The following CSMD2 variants were observed in gnomAD, a reference collection of about 807,000 sequenced individuals.
CSMD2 encodes the protein CUB and sushi domain-containing protein 2.
A neutral mutation model predicts 398.5 loss-of-function variants in CSMD2; 130 were observed. The ratio of observed to expected loss-of-function variants is 0.33; its 90% confidence interval spans 0.28 to 0.38. The LOEUF is 0.38. Ranked by LOEUF, CSMD2 falls within the 10% of genes least tolerant of loss-of-function variation. The pLI is 1.00. For synonymous variants in CSMD2, 1,828 were observed against 1,908.5 expected (o/e 0.96, Z 1.10); for missense variants, 3,829 against 4,764.9 (o/e 0.80, Z 5.78).
chr1:33,615,294 G>C (rs534071281), intron 39 of CSMD2, among the ~76,000 whole-genome samples: 1 of 152,254 alleles, frequency 6.6e-6, no homozygotes. Flanking sequence ...CCTGCAGTCT[G>C]GTCAGTTGAC....
intron 6 of CSMD2, among the ~76,000 whole-genome samples, chr1:33,826,097 C>A (rs1271813148): frequency 6.6e-6 from 1 of 152,218 alleles, no homozygotes; most frequent in African/African-American, 2.4e-5. Flanking sequence ...ATTCAACCTG[C>A]TCCTCAGCAA....
intron 13 of CSMD2, among the ~76,000 whole-genome samples, chr1:33,749,979 G>A (rs1457628055): frequency 6.6e-6 from 1 of 152,048 alleles, no homozygotes; most frequent in African/African-American, 2.4e-5. Context: ...CCAACACAAT[G>A]ACACACCTAC....
chr1:33,810,571 T>A (rs573466256), intron 10 of CSMD2, among the ~76,000 whole-genome samples, 172 bp downstream of exon 10: 1 of 151,574 alleles, frequency 6.6e-6, no homozygotes, highest in East Asian at 1.9e-4. Context: ...ATATTTTGCT[T>A]ATATTTTATA....
chr1:33,697,768 A>G (rs1012073490), intron 24 of CSMD2, among the ~76,000 whole-genome samples: 1 of 152,246 alleles, frequency 6.6e-6, no homozygotes, highest in African/African-American at 2.4e-5. Flanking sequence ...TTATCTGTTT[A>G]TGTGTCTATT....
intron 1 of CSMD2, among the ~76,000 whole-genome samples, chr1:34,093,372 C>T (rs1401741749): frequency 6.6e-6 from 1 of 152,238 alleles, no homozygotes; most frequent in Non-Finnish European, 1.5e-5. Context: ...CAAAGGAACG[C>T]AGCTCCTCAC....
At chr1:33,708,617 T>TATTATTA (rs1553180016) in intron 22 of CSMD2, among the ~76,000 whole-genome samples, 5 of 150,278 alleles carry the variant, frequency 3.3e-5, no homozygotes, top group East Asian at 1.9e-4. Context: ...TTATTATTAT[T>TATTATTA]TTGAGACAGG....
chr1:34,108,856 T>C (rs1660775425), intron 1 of CSMD2, among the ~76,000 whole-genome samples: 2 of 152,010 alleles, frequency 1.3e-5, no homozygotes, highest in Admixed American at 1.3e-4. Flanking sequence ...CCTTGCAAGG[T>C]GTACTCCCGA....
chr1:33,714,466 G>T, intron 21 of CSMD2, 121 bp downstream of exon 21: 2 of 1,160,574 alleles, frequency 1.7e-6, no homozygotes. Context: ...CTGCAGGTAA[G>T]TGTGGTAAGT....
chr1:34,106,601 C>G (rs928032822), intron 1 of CSMD2, among the ~76,000 whole-genome samples: 1 of 152,040 alleles, frequency 6.6e-6, no homozygotes. Context: ...AGCTATAGTT[C>G]TGGTTCCACT....
intron 46 of CSMD2, among the ~76,000 whole-genome samples, chr1:33,584,805 G>A (rs1409745712): frequency 6.6e-6 from 1 of 151,414 alleles, no homozygotes; most frequent in African/African-American, 2.4e-5. Flanking sequence ...TCAGAACTTG[G>A]CTGTGGCTTA....
In CSMD2 at chr1:33,715,954, C is replaced by T. The variant is rs186211543; in HGVS notation, c.3217+332G>A. Among the ~76,000 whole-genome samples, 22 of 150,926 alleles carry T rather than the reference C, an allele frequency of 1.5e-4. No individual in the cohort carries two copies. In the East Asian group the frequency reaches 4.3e-3, roughly 29 times the overall value. On this transcript the variant is annotated intron_variant, in intron 20 of 70. Transcript: ENST00000373381. ...GGGGTTGGCAATGTGGAAGTGGAAT[C>T]AGAAGAAAAATCTCGAATAACTAAG...
chr1:33,793,598 G>A (rs1276134353), intron 10 of CSMD2, among the ~76,000 whole-genome samples: 1 of 152,194 alleles, frequency 6.6e-6, no homozygotes, highest in Non-Finnish European at 1.5e-5. Flanking sequence ...ATTTATGCCA[G>A]GGGAGGAGCA....
At chr1:33,585,404 TG>T (rs1444699524) in intron 46 of CSMD2, among the ~76,000 whole-genome samples, 1 of 152,206 alleles carries the variant, frequency 6.6e-6, no homozygotes, top group Non-Finnish European at 1.5e-5. Flanking sequence ...GCACGGGGGC[TG>T]GGCTCCTAGA....
At position 33,918,170 on chromosome 1, in the gene CSMD2, G is replaced by C. The variant is rs1263875296; in HGVS notation, c.844C>G (p.Leu282Val). Reference protein sequence around the residue: ...ILAELGDTIALVFIDFQLEDG... With the variant: ...ILAELGDTIAVVFIDFQLEDG... Reference sequence around the variant, plus strand: ...TCCAGCTGGAAGTCAATAAACACCAGGGCGATGGTGTCCCCCAGCTCAGCC... The same window carrying C: ...TCCAGCTGGAAGTCAATAAACACCACGGCGATGGTGTCCCCCAGCTCAGCC... Residue 282 changes from leucine to valine, a missense_variant, in exon 5 of 71, where the codon CTG becomes GTG. This residue lies in a region of CSMD2 where 2,001 missense variants were observed against 2,567.1 expected (regional missense o/e 0.78). Coordinates refer to ENST00000373381, the MANE Select transcript of CSMD2 (RefSeq NM_001281956.2). 1 of 1,614,038 alleles carries C rather than the reference G, an allele frequency of 6.2e-7. No homozygotes were observed. The highest frequency in any genetic ancestry group is 1.3e-5 in the African/African-American group (1 of 74,926).
At chr1:33,600,458 G>A in intron 44 of CSMD2, 1 of 537,616 alleles carries the variant, frequency 1.9e-6, no homozygotes. Context: ...CTTCATTTGT[G>A]CACAAAAACA....
Position 33,776,940 on chromosome 1 carries a change from C to T in CSMD2, c.1664-4189G>A, listed in dbSNP as rs536973758. ...CTTGATGATGAGGTCCAGCTGCAGC[C>T]AGGGTGAAGTACACTGAAAGGAAGT... On this transcript the variant is annotated intron_variant, in intron 12 of 70. Transcript: ENST00000373381. 3.3e-5 allele frequency among the ~76,000 whole-genome samples: 5 copies of T among 151,950 alleles called. No individual in the cohort carries two copies. In the South Asian group the frequency reaches 1.0e-3, roughly 32 times the overall value.
chr1:33,716,145 T>G, intron 20 of CSMD2, 141 bp downstream of exon 20: 1 of 675,780 alleles, frequency 1.5e-6, no homozygotes, highest in South Asian at 1.9e-5. Context: ...AAGCATCTTT[T>G]GCTGAAGCAC....
intron 13 of CSMD2, among the ~76,000 whole-genome samples, chr1:33,771,198 T>C (rs1049181308): frequency 2.6e-5 from 4 of 152,168 alleles, no homozygotes; most frequent in Non-Finnish European, 5.9e-5. Context: ...GCTCCCACTG[T>C]GTGTACCTTT....
intron 17 of CSMD2, 122 bp from the exon 18 acceptor site, chr1:33,724,826 A>C (rs1646475198): frequency 2.2e-6 from 2 of 889,900 alleles, no homozygotes; most frequent in African/African-American, 3.4e-5. Context: ...CCAATTACTG[A>C]CTCATGAAAT....
Sources: allele counts gnomAD v4.1 joint callset (sites outside exome capture counted in the v4.1 genomes callset), GRCh38; gene constraint gnomAD v4.1.1; regional missense constraint gnomAD v4.1.1; transcripts MANE v1.5; gene names NCBI Gene and HGNC (gene_info 2026-07-23, HGNC 2026-07-21).